The following COG7 variants were observed in gnomAD, a reference collection of about 807,000 sequenced individuals.
COG7 encodes the protein component of oligomeric golgi complex 7, also known as conserved oligomeric Golgi complex subunit 7.
A neutral mutation model predicts 91.5 loss-of-function variants in COG7; 49 were observed. The observed-to-expected ratio is 0.54, with a 90% CI of 0.43 to 0.68. The LOEUF is 0.68. Ranked by LOEUF, COG7 falls within the 30% of genes least tolerant of loss-of-function variation. COG7 has a pLI of 0.00. For synonymous variants in COG7, 365 were observed against 388.7 expected (o/e 0.94, Z 0.72); for missense variants, 895 against 961.3 (o/e 0.93, Z 0.91).
rs142744907 is a variant in COG7 at position 23,392,474 on chromosome 16, C to T, written c.2052G>A (p.Ser684=). Residue 684 remains serine (S), a synonymous_variant, in exon 16 of 17, where the codon TCG becomes TCA. Coordinates refer to ENST00000307149, the MANE Select transcript of COG7 (RefSeq NM_153603.4). The stretch of plus-strand genomic sequence containing the variant: ...AGGTCTGCATTGTGGCTCTGGCGAT[C>T]GAGCCCAGCCAGTTGTCAGCCATGT... ...LDNMADNWLG[S]IARATMQTYC... is the part of the protein sequence containing the mutation. The T allele has an allele frequency of 7.2e-4, 1,162 of 1,614,054 alleles. No individual in the cohort carries two copies. Among genetic ancestry groups the T allele is most frequent in the Non-Finnish European group, 9.1e-4 (1,072 of 1,180,042 alleles).
intron 7 of COG7, among the ~76,000 whole-genome samples, chr16:23,419,442 G>A (rs1183954684): frequency 1.3e-5 from 2 of 148,286 alleles, no homozygotes; most frequent in Non-Finnish European, 1.5e-5. Flanking sequence ...CCCTCATCAA[G>A]GTCAGGTTCA....
chr16:23,406,108 C>T lies in COG7; in HGVS notation c.1630G>A (p.Ala544Thr). 9.9e-6 allele frequency: 16 copies of T among 1,614,068 alleles called. No individual in the cohort carries two copies. Among genetic ancestry groups the T allele is most frequent in the Non-Finnish European group, 1.4e-5 (16 of 1,179,984 alleles). Residue 544 changes from alanine (A) to threonine (T), a missense_variant, in exon 12 of 17, where the codon GCC (alanine) becomes ACC (threonine). Ala to Thr is a moderately conservative substitution (Grantham distance 58, BLOSUM62 0). Coordinates refer to ENST00000307149, the MANE Select transcript of COG7 (RefSeq NM_153603.4). The part of the protein sequence containing the change: ...YLQKDNPAEY[A>T]SLMEILYTLK... Reference sequence around the variant, plus strand: ...GTATAAAGTATTTCCATTAAACTGGCATATTCAGCAGGGTTATCTTTCTGG... The same window carrying T: ...GTATAAAGTATTTCCATTAAACTGGTATATTCAGCAGGGTTATCTTTCTGG...
At chr16:23,444,961 T>TATCA in intron 3 of COG7, 87 bp downstream of exon 3, 1 of 967,558 alleles carries the variant, frequency 1.0e-6, no homozygotes, top group Non-Finnish European at 1.7e-6. Context: ...TGCTATTGGC[T>TATCA]ATCAACTTTG....
At chr16:23,448,200 A>G (rs971048093) in intron 1 of COG7, among the ~76,000 whole-genome samples, 4 of 152,156 alleles carry the variant, frequency 2.6e-5, no homozygotes, top group African/African-American at 7.2e-5. Flanking sequence ...CCTACTGCCT[A>G]AGGGATAAAA....
chr16:23,444,657 C>G (rs573688341), intron 3 of COG7, among the ~76,000 whole-genome samples: 6 of 152,080 alleles, frequency 3.9e-5, no homozygotes, highest in South Asian at 2.1e-4. Context: ...ATGTGCAGCA[C>G]CACACCTGGC....
At chr16:23,432,413 T>C (rs1963948772) in intron 6 of COG7, among the ~76,000 whole-genome samples, 1 of 152,062 alleles carries the variant, frequency 6.6e-6, no homozygotes, top group Non-Finnish European at 1.5e-5. Flanking sequence ...GTTTCGTACA[T>C]AGCAGAGCAG....
intron 6 of COG7, 43 bp downstream of exon 6, chr16:23,433,500 GTC>G: frequency 6.2e-7 from 1 of 1,613,132 alleles, no homozygotes; most frequent in Non-Finnish European, 8.5e-7. Context: ...CCGTTCCCTT[GTC>G]ACCACAGACT....
rs1963231667 is a variant in COG7, at chr16:23,393,344, C to T, written c.1891G>A (p.Gly631Arg). The change falls in exon 15 of 17, where the codon GGG (glycine) becomes AGG (arginine). Residue 631 changes from glycine to arginine, a missense_variant. Transcript: ENST00000307149. ...LTPLEYISNI[G>R]QYIMSLPLNL... ...AGGGGGAGGGACATGATGTACTGCC[C>T]GATCTGAAACAAAAGAAAGCGCTGT... 8.1e-6 allele frequency: 13 copies of T among 1,610,198 alleles called. No individual in the cohort carries two copies. The highest frequency in any genetic ancestry group is 1.1e-5 in the Non-Finnish European group (13 of 1,176,512).
intron 8 of COG7, chr16:23,417,343 C>T (rs1328232267): frequency 1.7e-6 from 1 of 592,556 alleles, no homozygotes; most frequent in Non-Finnish European, 3.0e-6. Flanking sequence ...AAAGCATGAT[C>T]GAATGTCTGT....
intron 9 of COG7, chr16:23,414,799 C>A (rs973027801): frequency 6.6e-6 from 1 of 152,216 alleles, no homozygotes; most frequent in African/African-American, 2.4e-5. Context: ...ATACTTATAT[C>A]CCCAGGAACT....
chr16:23,426,031 T>C (rs1963840460), intron 6 of COG7, among the ~76,000 whole-genome samples: 1 of 151,856 alleles, frequency 6.6e-6, no homozygotes, highest in Admixed American at 6.6e-5. Context: ...CTGACCAACA[T>C]GGTCAAACCC....
chr16:23,439,137 AAC>A (rs1964058237), intron 4 of COG7, among the ~76,000 whole-genome samples: 1 of 147,508 alleles, frequency 6.8e-6, no homozygotes, highest in Admixed American at 6.8e-5. Context: ...CAGCCTGGAC[AAC>A]AGAGTTAAAC....
chr16:23,434,428 A>C (rs895992709), intron 5 of COG7, among the ~76,000 whole-genome samples: 1 of 152,258 alleles, frequency 6.6e-6, no homozygotes, highest in African/African-American at 2.4e-5. Flanking sequence ...CAGAAAAGAG[A>C]ATGAAAACGG....
intron 3 of COG7, 62 bp from the exon 4 acceptor site, chr16:23,442,707 TAGATA>T: frequency 7.1e-7 from 1 of 1,408,050 alleles, no homozygotes; most frequent in Non-Finnish European, 1.0e-6. Flanking sequence ...CAATTGGGAA[TAGATA>T]AAATACATGA....
rs140618657 is a variant in COG7, at chr16:23,400,819, A to C, written c.1804-2690T>G. 7.2e-5 allele frequency among the ~76,000 whole-genome samples: 11 copies of C among 152,106 alleles called. No individual in the cohort carries two copies. In the East Asian group the frequency reaches 1.9e-3, roughly 27 times the overall value. Reference sequence around the variant, plus strand: ...ACCCCATTTCTACTAAAAATACAAAAATTAGCCGGGTGTGGTGACGCTTGC... The same window carrying C: ...ACCCCATTTCTACTAAAAATACAAACATTAGCCGGGTGTGGTGACGCTTGC... On this transcript the variant is annotated intron_variant, in intron 13 of 16. Transcript: ENST00000307149.
chr16:23,403,560 CT>C, intron 13 of COG7, 133 bp downstream of exon 13: 1 of 1,088,452 alleles, frequency 9.2e-7, no homozygotes, highest in Non-Finnish European at 1.4e-6. Flanking sequence ...TGGAAAGTGG[CT>C]CTTTCCGGCT....
intron 1 of COG7, among the ~76,000 whole-genome samples, chr16:23,451,426 G>A (rs1262141777): frequency 6.6e-6 from 1 of 152,100 alleles, no homozygotes; most frequent in Non-Finnish European, 1.5e-5. Context: ...CTCAACAAAT[G>A]GTTTAGGCCA....
chr16:23,394,203 A>G (rs144423621), intron 14 of COG7, among the ~76,000 whole-genome samples: 1 of 152,236 alleles, frequency 6.6e-6, no homozygotes, highest in Non-Finnish European at 1.5e-5. Context: ...TATTGTTTTC[A>G]TAATATAAAC....
intron 4 of COG7, among the ~76,000 whole-genome samples, chr16:23,437,857 C>T (rs185847871): frequency 1.2e-3 from 186 of 151,718 alleles, no homozygotes; most frequent in African/African-American, 2.4e-3. Context: ...GAGGCTGAGG[C>T]GGGTGGATCA....
Sources: allele counts gnomAD v4.1 joint callset (sites outside exome capture counted in the v4.1 genomes callset), GRCh38; gene constraint gnomAD v4.1.1; transcripts MANE v1.5; gene names NCBI Gene and HGNC (gene_info 2026-07-23, HGNC 2026-07-21).